DBR1: variants seen among roughly 807,000 people sequenced by gnomAD.
The protein encoded by DBR1 is lariat debranching enzyme.
DBR1 carries 33 observed loss-of-function variants against 45.9 expected under a neutral mutation model. That is an observed-to-expected ratio of 0.72 (90% CI 0.55 to 0.96). The LOEUF (loss-of-function observed/expected upper bound fraction) is 0.96, where lower values mean the gene tolerates loss of function less well. Ranked by LOEUF, DBR1 falls within the 40% of genes least tolerant of loss-of-function variation. DBR1 has a pLI of 0.00. For synonymous variants in DBR1, 235 were observed against 235.9 expected (o/e 1.00, Z 0.04); for missense variants, 619 against 667.4 (o/e 0.93, Z 0.80).
chr3:138,161,911 T>C lies in DBR1; in HGVS notation c.1613A>G (p.Asp538Gly). 1.9e-6 allele frequency: 3 copies of C among 1,612,344 alleles called. No homozygotes were observed. The highest frequency in any genetic ancestry group is 1.7e-6 in the Non-Finnish European group (2 of 1,178,374). ...ATCTTAAGCTGCATCGTCATCATCA[T>C]CATCCACTGCAGCGTAAATGGCTTG... ...RNQAIYAAVD[D>G]DDDDAA Residue 538 changes from aspartate (D) to glycine (G), a missense_variant, in exon 8 of 8, where the codon GAT becomes GGT. This residue lies in a region of DBR1 where 182 missense variants were observed against 196.1 expected (regional missense o/e 0.93). Transcript: ENST00000260803.
In DBR1 at chr3:138,171,619, T is replaced by G; in HGVS notation, c.403+14A>C. 2 of 1,595,642 alleles carry G rather than the reference T, an allele frequency of 1.3e-6. No homozygotes were observed. Among genetic ancestry groups the G allele is most frequent in the Non-Finnish European group, 1.7e-6 (2 of 1,163,882 alleles). Reference sequence around the variant, plus strand: ...GCAAGTTCTAAAGTTTAAAAATAATTCTCAAAACAATACCTTTTCGATAGT... The same window carrying G: ...GCAAGTTCTAAAGTTTAAAAATAATGCTCAAAACAATACCTTTTCGATAGT... On this transcript the variant is annotated intron_variant, in intron 3 of 7. Transcript: ENST00000260803.
At chr3:138,166,491 CT>C (rs1429187336) in intron 5 of DBR1, among the ~76,000 whole-genome samples, 1 of 152,172 alleles carries the variant, frequency 6.6e-6, no homozygotes, top group Non-Finnish European at 1.5e-5. Flanking sequence ...CATAAATAGC[CT>C]GCTCTGCCTC....
chr3:138,163,601 A>T, intron 6 of DBR1, 107 bp from the exon 7 acceptor site: 1 of 747,154 alleles, frequency 1.3e-6, no homozygotes. Context: ...ATTTAATTTC[A>T]ATTATTTAAT....
intron 5 of DBR1, among the ~76,000 whole-genome samples, chr3:138,165,734 A>T (rs2042927533): frequency 6.6e-6 from 1 of 152,172 alleles, no homozygotes; most frequent in Non-Finnish European, 1.5e-5. Context: ...GTCTCAAAAA[A>T]AAAAGAAAAA....
chr3:138,174,454 A>T, intron 1 of DBR1, 145 bp downstream of exon 1: 1 of 837,936 alleles, frequency 1.2e-6, no homozygotes, highest in Non-Finnish European at 1.8e-6. Flanking sequence ...CCCGCCTCCC[A>T]CTACCTCACC....
intron 1 of DBR1, 139 bp from the exon 2 acceptor site, chr3:138,173,765 G>T: frequency 1.1e-6 from 1 of 895,978 alleles, no homozygotes; most frequent in Admixed American, 2.9e-5. Context: ...GGCTGGGCGC[G>T]GTGGCTCCCT....
intron 5 of DBR1, 41 bp downstream of exon 5, chr3:138,167,040 T>C (rs369196694): frequency 3.2e-6 from 5 of 1,548,078 alleles, no homozygotes; most frequent in Middle Eastern, 1.7e-4. Flanking sequence ...AGATGTTCAA[T>C]AGTGTGTGTT....
chr3:138,165,421 A>G (rs2042925507), intron 5 of DBR1, among the ~76,000 whole-genome samples: 1 of 152,196 alleles, frequency 6.6e-6, no homozygotes, highest in Non-Finnish European at 1.5e-5. Context: ...GAGATGCTCA[A>G]TCTGTATTAA....
intron 2 of DBR1, among the ~76,000 whole-genome samples, chr3:138,172,031 G>A (rs1412595244): frequency 6.6e-6 from 1 of 152,164 alleles, no homozygotes; most frequent in Non-Finnish European, 1.5e-5. Context: ...GAGGTAGTGG[G>A]AGGTGGAAAA....
intron 7 of DBR1, among the ~76,000 whole-genome samples, chr3:138,162,802 T>A (rs577895412): frequency 5.3e-5 from 8 of 152,372 alleles, no homozygotes; most frequent in African/African-American, 1.7e-4. Context: ...TTTTAATGTG[T>A]GGACTATATC....
At chr3:138,164,353 T>G (rs1210691085) in intron 5 of DBR1, 1 of 152,378 alleles carries the variant, frequency 6.6e-6, no homozygotes, top group African/African-American at 2.4e-5. Flanking sequence ...TATTTATACA[T>G]GCTACAACAT....
At chr3:138,164,047 A>G (rs529580688) in intron 5 of DBR1, 189 bp from the exon 6 acceptor site, 1 of 419,492 alleles carries the variant, frequency 2.4e-6, no homozygotes, top group Admixed American at 4.0e-5. Flanking sequence ...GAAGGCATTT[A>G]ACTTCTCAGA....
At chr3:138,162,650 T>C (rs1007913014) in intron 7 of DBR1, 68 bp from the exon 8 acceptor site, 2 of 1,314,434 alleles carry the variant, frequency 1.5e-6, no homozygotes, top group Non-Finnish European at 1.1e-6. Context: ...TGAAATCTAA[T>C]TACAGACTTC....
intron 4 of DBR1, among the ~76,000 whole-genome samples, chr3:138,168,817 G>A (rs904579805): frequency 6.6e-6 from 1 of 152,084 alleles, no homozygotes; most frequent in Non-Finnish European, 1.5e-5. Context: ...AATTAGCTGG[G>A]CGAGGTGATG....
chr3:138,167,286 A>G lies in DBR1; in HGVS notation c.509T>C (p.Ile170Thr), dbSNP rs780193562. 6.2e-7 allele frequency: 1 copy of G among 1,607,842 alleles called. No individual in the cohort carries two copies. Among genetic ancestry groups the G allele is most frequent in the African/African-American group, 1.3e-5 (1 of 74,496 alleles). Residue 170 changes from isoleucine (I) to threonine (T), a missense_variant, in exon 5 of 8, where the codon ATA becomes ACA. Transcript: ENST00000260803. ...TCTTGGCCAATCATGAGACAAGAAT[A>G]TATCTATAGGCTGCTTCAGCTTTCA... ...KLKQLKQPID[I>T]FLSHDWPRSI...
In DBR1 at chr3:138,163,329, C is replaced by A; in HGVS notation, c.941+20G>T. ...ATGCATGCAATGGAAAAAGCAGGTCCTAAATAAAGTCTGACTTACCTTGCA... is the reference window on the plus strand; with the variant it reads ...ATGCATGCAATGGAAAAAGCAGGTCATAAATAAAGTCTGACTTACCTTGCA... On this transcript the variant is annotated intron_variant, in intron 7 of 7. Transcript: ENST00000260803. The A allele has an allele frequency of 6.2e-7, 1 of 1,606,066 alleles. No homozygotes were observed. The highest frequency in any genetic ancestry group is 1.7e-5 in the Admixed American group (1 of 58,564).
Position 138,163,794 on chromosome 3 carries a change from T to C in DBR1, c.779A>G (p.His260Arg), listed in dbSNP as rs749857302. The part of the protein sequence containing the change: ...KFLALDKCLP[H>R]RDFLQILEIE... Reference sequence around the variant, plus strand: ...TCTTCTTACCTGAAGAAAATCTCTATGTGGTAAGCATTTGTCCAAGGCTAA... The same window carrying C: ...TCTTCTTACCTGAAGAAAATCTCTACGTGGTAAGCATTTGTCCAAGGCTAA... Residue 260 changes from histidine to arginine, a missense_variant, in exon 6 of 8, where the codon CAT becomes CGT. This residue lies in a region of DBR1 where 430 missense variants were observed against 447.7 expected (regional missense o/e 0.96). Transcript: ENST00000260803. 5.0e-6 allele frequency: 8 copies of C among 1,611,850 alleles called. No homozygotes were observed. The highest frequency in any genetic ancestry group is 1.7e-5 in the Admixed American group (1 of 59,918).
In DBR1 at chr3:138,161,714, C is replaced by A. The variant is rs1576531720; in HGVS notation, c.*175G>T. The A allele has an allele frequency of 3.6e-6, 2 of 561,780 alleles. No individual in the cohort carries two copies. Among genetic ancestry groups the A allele is most frequent in the Non-Finnish European group, 6.4e-6 (2 of 313,360 alleles). 34.8% of individuals were successfully genotyped at this position (561,780 alleles called of 1,614,324 possible). A position where few individuals can be genotyped will look rare whatever the true frequency, so the allele number is the denominator to read the frequency against. On this transcript the variant is annotated 3_prime_UTR_variant, in exon 8 of 8. Coordinates refer to ENST00000260803, the MANE Select transcript of DBR1 (RefSeq NM_016216.4). ...TGCAAAAATTAGCCGGGTGTGGTGGCGGGCACCTGTAGTCCCACCTACTTG... is the reference window on the plus strand; with the variant it reads ...TGCAAAAATTAGCCGGGTGTGGTGGAGGGCACCTGTAGTCCCACCTACTTG...
intron 2 of DBR1, among the ~76,000 whole-genome samples, chr3:138,172,893 A>G (rs1411270752): frequency 6.6e-6 from 1 of 152,202 alleles, no homozygotes; most frequent in Non-Finnish European, 1.5e-5. Flanking sequence ...TGTAAAGCAG[A>G]CATCTTTACA....
Sources: allele counts gnomAD v4.1 joint callset (sites outside exome capture counted in the v4.1 genomes callset), GRCh38; gene constraint gnomAD v4.1.1; regional missense constraint gnomAD v4.1.1; transcripts MANE v1.5; gene names NCBI Gene and HGNC (gene_info 2026-07-23, HGNC 2026-07-21).